SLC25A12: variants seen among roughly 807,000 people sequenced by gnomAD.
SLC25A12 encodes the protein electrogenic aspartate/glutamate antiporter SLC25A12, mitochondrial.
SLC25A12 carries 32 observed loss-of-function variants against 83.3 expected under a neutral mutation model. That is an observed-to-expected ratio of 0.38 (90% CI 0.29 to 0.52). SLC25A12 has a LOEUF of 0.52. SLC25A12 is among the 20% of genes least tolerant of loss of function. SLC25A12 has a pLI of 0.84. For synonymous variants in SLC25A12, 267 were observed against 291.1 expected (o/e 0.92, Z 0.84); for missense variants, 611 against 835.6 (o/e 0.73, Z 3.31).
intron 15 of SLC25A12, among the ~76,000 whole-genome samples, chr2:171,789,794 T>C (rs572118348): frequency 6.6e-6 from 1 of 152,042 alleles, no homozygotes; most frequent in East Asian, 1.9e-4. Flanking sequence ...CTTGGGAGGC[T>C]GACACAGGAG....
chr2:171,790,606 C>CA (rs1683432960), intron 15 of SLC25A12, among the ~76,000 whole-genome samples: 1 of 152,158 alleles, frequency 6.6e-6, no homozygotes, highest in African/African-American at 2.4e-5. Context: ...TTACACTGGC[C>CA]ACGTAGGAAA....
At chr2:171,870,132 C>T (rs1685428258) in intron 2 of SLC25A12, among the ~76,000 whole-genome samples, 1 of 152,006 alleles carries the variant, frequency 6.6e-6, no homozygotes, top group African/African-American at 2.4e-5. Flanking sequence ...ATAGTAGGCA[C>T]TCAGTAAATA....
At chr2:171,811,900 T>C (rs1170165009) in intron 11 of SLC25A12, among the ~76,000 whole-genome samples, 1 of 152,202 alleles carries the variant, frequency 6.6e-6, no homozygotes, top group Non-Finnish European at 1.5e-5. Context: ...AAGGTCATTA[T>C]TCAACAAAGA....
intron 13 of SLC25A12, among the ~76,000 whole-genome samples, chr2:171,802,692 C>T (rs554968569): frequency 5.9e-5 from 9 of 152,252 alleles, no homozygotes; most frequent in East Asian, 3.9e-4. Flanking sequence ...AGGAGAATGG[C>T]GTGAACCCGG....
At chr2:171,868,891 T>C (rs996126089) in intron 2 of SLC25A12, 68 bp from the exon 3 acceptor site, 25 of 1,360,412 alleles carry the variant, frequency 1.8e-5, no homozygotes, top group Non-Finnish European at 2.4e-5. Context: ...AATAAATGGT[T>C]TGTGAAAAGG....
At chr2:171,832,386 T>C (rs1024888235) in intron 8 of SLC25A12, among the ~76,000 whole-genome samples, 3 of 152,284 alleles carry the variant, frequency 2.0e-5, no homozygotes, top group East Asian at 3.9e-4. Flanking sequence ...CCTTAATCAC[T>C]TGGGAAAATG....
chr2:171,873,753 T>C (rs188019870), intron 2 of SLC25A12, among the ~76,000 whole-genome samples: 98 of 152,176 alleles, frequency 6.4e-4, no homozygotes, highest in Non-Finnish European at 1.2e-3. Context: ...TTAATATATA[T>C]ACATCCAAAT....
rs376398440 is a variant in SLC25A12 at position 171,785,140 on chromosome 2, A to G, written c.*134T>C. The G allele has an allele frequency of 1.3e-5, 10 of 779,508 alleles. No homozygotes were observed. The African/African-American group carries it at 1.4e-4, about 11-fold the overall frequency. 48.3% of individuals were successfully genotyped at this position (779,508 alleles called of 1,614,324 possible). A position where few individuals can be genotyped will look rare whatever the true frequency, so the allele number is the denominator to read the frequency against. ...GATTATTTTATAAACAAGTATATGT[A>G]TATGTCATACAGAAAGAAGAGTTTG... On this transcript the variant is annotated 3_prime_UTR_variant, in exon 18 of 18. Coordinates refer to ENST00000422440, the MANE Select transcript of SLC25A12 (RefSeq NM_003705.5).
At chr2:171,820,089 G>A (rs1490829184) in intron 9 of SLC25A12, among the ~76,000 whole-genome samples, 1 of 152,138 alleles carries the variant, frequency 6.6e-6, no homozygotes, top group Admixed American at 6.6e-5. Flanking sequence ...GACTGGAGGA[G>A]AAAGGAGAGG....
At chr2:171,860,278 A>G (rs568720876) in intron 3 of SLC25A12, among the ~76,000 whole-genome samples, 1 of 152,288 alleles carries the variant, frequency 6.6e-6, no homozygotes, top group Admixed American at 6.5e-5. Flanking sequence ...CGAGTCCTAC[A>G]TTTAAAGAAA....
At chr2:171,865,290 T>C (rs1265465362) in intron 3 of SLC25A12, among the ~76,000 whole-genome samples, 1 of 152,218 alleles carries the variant, frequency 6.6e-6, no homozygotes, top group Non-Finnish European at 1.5e-5. Context: ...GCCTGTATCC[T>C]TGATAATCGC....
At chr2:171,850,969 T>C (rs1203644735) in intron 4 of SLC25A12, among the ~76,000 whole-genome samples, 2 of 152,222 alleles carry the variant, frequency 1.3e-5, no homozygotes, top group African/African-American at 2.4e-5. Flanking sequence ...TATGTATTAA[T>C]GGTCAAACAT....
rs1379335340 is a variant in SLC25A12, at chr2:171,785,413, G to A, written c.1898C>T (p.Pro633Leu). The change falls in exon 18 of 18, where the codon CCT (proline) becomes CTT (leucine). Residue 633 changes from proline (P) to leucine (L), a missense_variant. Physicochemically the swap from Pro to Leu is moderately conservative, Grantham distance 98 (BLOSUM62 -3). Around this residue, in one of 3 missense-constraint regions of SLC25A12, gnomAD observed 540 missense variants for 777.5 expected, o/e 0.69. Transcript: ENST00000422440. ...GAGTCTGTATCCACCGATGTGATCA[G>A]GGTTGGCAGGAGGAAGGTCTGCAAT... ...SRIADLPPAN[P>L]DHIGGYRLAT... 1 of 1,614,244 alleles carries A rather than the reference G, an allele frequency of 6.2e-7. No homozygotes were observed. Among genetic ancestry groups the A allele is most frequent in the East Asian group, 2.2e-5 (1 of 44,892 alleles).
At chr2:171,859,773 T>A (rs1218019063) in intron 3 of SLC25A12, among the ~76,000 whole-genome samples, 1 of 152,096 alleles carries the variant, frequency 6.6e-6, no homozygotes, top group South Asian at 2.1e-4. Context: ...ACAATTTTTT[T>A]TTTTTGAGAC....
chr2:171,837,362 A>G (rs1290732269), intron 5 of SLC25A12, 95 bp from the exon 6 acceptor site: 12 of 1,289,700 alleles, frequency 9.3e-6, no homozygotes, highest in African/African-American at 1.5e-5. Flanking sequence ...CTTCCCACAC[A>G]TGTACTTACT....
chr2:171,847,882 A>G (rs1485635614), intron 4 of SLC25A12, among the ~76,000 whole-genome samples: 1 of 151,608 alleles, frequency 6.6e-6, no homozygotes, highest in East Asian at 1.9e-4. Context: ...CTCAAAGGAG[A>G]GGAGCACAAT....
intron 6 of SLC25A12, among the ~76,000 whole-genome samples, chr2:171,835,334 T>C (rs1684532581): frequency 6.6e-6 from 1 of 152,240 alleles, no homozygotes. Context: ...TTACATCAAC[T>C]TTTCCTAATT....
At chr2:171,873,318 C>T (rs1322036038) in intron 2 of SLC25A12, among the ~76,000 whole-genome samples, 4 of 152,046 alleles carry the variant, frequency 2.6e-5, no homozygotes, top group Admixed American at 2.6e-4. Context: ...TGTGGTGGCA[C>T]GCACCTGTAG....
intron 1 of SLC25A12, 113 bp downstream of exon 1, chr2:171,894,090 C>T (rs1262618330): frequency 7.1e-7 from 1 of 1,405,828 alleles, no homozygotes; most frequent in African/African-American, 1.4e-5. Context: ...AGCCCCAGGA[C>T]AAGCTATCTA....
Sources: allele counts gnomAD v4.1 joint callset (sites outside exome capture counted in the v4.1 genomes callset), GRCh38; gene constraint gnomAD v4.1.1; regional missense constraint gnomAD v4.1.1; transcripts MANE v1.5; gene names NCBI Gene and HGNC (gene_info 2026-07-23, HGNC 2026-07-21).